SLC38A7: variants seen among roughly 807,000 people sequenced by gnomAD.
SLC38A7 encodes sodium-coupled neutral amino acid transporter 7.
Under a neutral mutation model 50.1 loss-of-function variants are expected in SLC38A7, and 29 were observed. The observed-to-expected ratio is 0.58, with a 90% CI of 0.43 to 0.79. The LOEUF (loss-of-function observed/expected upper bound fraction) is 0.79, where lower values mean the gene tolerates loss of function less well. Among genes scored for constraint, SLC38A7 ranks in the 30% least tolerant of loss-of-function variants. The pLI is 0.00. For missense variants in SLC38A7, 483 were observed against 610.6 expected, an observed-to-expected ratio of 0.79 and a Z score of 2.20; for synonymous variants, 244 against 245.9, an observed-to-expected ratio of 0.99 and a Z score of 0.07.
chr16:58,673,469 C>T (rs572958793), intron 8 of SLC38A7, among the ~76,000 whole-genome samples: 1 of 152,106 alleles, frequency 6.6e-6, no homozygotes, highest in Non-Finnish European at 1.5e-5. Context: ...CTCCTGACCT[C>T]GTCATCCGCC....
chr16:58,672,082 GGAAGGGGGCTCACCGCCCACA>G lies in SLC38A7; in HGVS notation c.1024_1031+13del. ...GGGGCTAGGAGGGGCCCTGGGGAGT[GGAAGGGGGCTCACCGCCCACA>G]GAAGTGCAGGATAGGGTAGGAGGTG... On this transcript the variant is annotated splice_donor_variant and splice_donor_5th_base_variant and coding_sequence_variant and intron_variant, in exon 9 of 12. Transcript: ENST00000219320. LOFTEE classifies it high-confidence loss of function. 6.4e-7 allele frequency: 1 copy of G among 1,550,980 alleles called. No individual in the cohort carries two copies. Among genetic ancestry groups the G allele is most frequent in the Non-Finnish European group, 8.7e-7 (1 of 1,147,118 alleles).
intron 8 of SLC38A7, chr16:58,675,433 C>T (rs1022463451): frequency 9.5e-5 from 35 of 368,330 alleles, no homozygotes; most frequent in Non-Finnish European, 1.5e-4. Context: ...GAGGATCACT[C>T]GACCTCAGCA....
chr16:58,683,040 T>C (rs1428158785), intron 2 of SLC38A7, among the ~76,000 whole-genome samples: 1 of 151,406 alleles, frequency 6.6e-6, no homozygotes, highest in African/African-American at 2.4e-5. Context: ...CCCACGCCTG[T>C]CATGTTTAAA....
In SLC38A7 at chr16:58,677,430, G is replaced by A. The variant is rs202173537; in HGVS notation, c.612-6C>T. ...TACCCACGACGCTCAGGAAGCTGCC[G>A]GGAAGGAGAGACTAAGTGTCCTCAT... On this transcript the variant is annotated splice_region_variant and splice_polypyrimidine_tract_variant and intron_variant, in intron 5 of 11. Transcript: ENST00000219320. 31 of 1,613,730 alleles carry A rather than the reference G, an allele frequency of 1.9e-5. No individual in the cohort carries two copies. Among genetic ancestry groups the A allele is most frequent in the African/African-American group, 9.3e-5 (7 of 74,996 alleles).
In SLC38A7 at chr16:58,678,191, G is replaced by A. The variant is rs780854578; in HGVS notation, c.611+142C>T. 2.2e-6 allele frequency: 2 copies of A among 927,250 alleles called. No individual in the cohort carries two copies. The highest frequency in any genetic ancestry group is 3.1e-6 in the Non-Finnish European group (2 of 650,970). The allele number at this position is 927,250 out of a possible 1,614,324, so 57.4% of individuals were successfully genotyped here. ...AAAGGATGGTCTTATCTGAAACCCT[G>A]CAAGCCCCGGTCTGCCCTGCCTTGC... On this transcript the variant is annotated intron_variant, in intron 5 of 11. Transcript: ENST00000219320. This position sits in a 1 kb window ranked among gnomAD's most constrained non-coding sequence, Gnocchi z 4.0.
chr16:58,674,124 G>C (rs8046464), intron 8 of SLC38A7, among the ~76,000 whole-genome samples: 19,217 of 151,978 alleles, frequency 0.13, 4,100 homozygotes, highest in African/African-American at 0.44. Flanking sequence ...CATGCCTGGC[G>C]GACGCCCAGC....
intron 11 of SLC38A7, among the ~76,000 whole-genome samples, chr16:58,668,968 C>CTT: frequency 1.3e-5 from 2 of 151,646 alleles, no homozygotes; most frequent in Non-Finnish European, 2.9e-5. Flanking sequence ...CGGGGTTTTG[C>CTT]CATGTTGGCC....
At chr16:58,675,740 AACTGGTGAATGAATGGATGAATAC>A (rs1234970349) in intron 8 of SLC38A7, among the ~76,000 whole-genome samples, 176 bp downstream of exon 8, 1 of 152,132 alleles carries the variant, frequency 6.6e-6, no homozygotes, top group Non-Finnish European at 1.5e-5. Flanking sequence ...ACCAAGTTAG[AACTGGTGAATGAATGGATGAATAC>A]ACCACTCTCA....
intron 10 of SLC38A7, 61 bp downstream of exon 10, chr16:58,670,984 C>T: frequency 6.5e-7 from 1 of 1,538,238 alleles, no homozygotes; most frequent in Non-Finnish European, 8.8e-7. Flanking sequence ...GGAGCTGAGG[C>T]TAGGCAGGCC....
chr16:58,670,598 T>G (rs1213213881), intron 10 of SLC38A7, among the ~76,000 whole-genome samples: 2 of 152,232 alleles, frequency 1.3e-5, no homozygotes, highest in Admixed American at 6.5e-5. Context: ...TGGCGGTAGA[T>G]CTGTGTCTGG....
Position 58,670,112 on chromosome 16 carries a change from C to T in SLC38A7, c.1286+1G>A, listed in dbSNP as rs750525493. ...GGATCAAGGGCTGGGTCCTGCTTTA[C>T]CTGGCTGGTTTGACCTCTTCCATCT... On this transcript the variant is annotated splice_donor_variant, in intron 11 of 11. Coordinates refer to ENST00000219320, the MANE Select transcript of SLC38A7 (RefSeq NM_018231.3). LOFTEE classifies it high-confidence loss of function. 6.2e-7 allele frequency: 1 copy of T among 1,614,116 alleles called. No homozygotes were observed. Among genetic ancestry groups the T allele is most frequent in the Non-Finnish European group, 8.5e-7 (1 of 1,179,972 alleles).
Position 58,678,495 on chromosome 16 carries a change from G to C in SLC38A7, c.470-21C>G. ...TATAACTGCACAGGGAGGAAGGAGG[G>C]AATGTCAAGCCAGGCCACCATGGGG... On this transcript the variant is annotated intron_variant, in intron 4 of 11. Transcript: ENST00000219320. The surrounding 1 kb of genome is among the most constrained non-coding windows in gnomAD (Gnocchi z 4.0). 1 of 1,544,652 alleles carries C rather than the reference G, an allele frequency of 6.5e-7. No homozygotes were observed. The highest frequency in any genetic ancestry group is 8.8e-7 in the Non-Finnish European group (1 of 1,142,822).
intron 2 of SLC38A7, among the ~76,000 whole-genome samples, chr16:58,682,401 A>G (rs912804852): frequency 6.6e-6 from 1 of 151,930 alleles, no homozygotes; most frequent in African/African-American, 2.4e-5. Flanking sequence ...CTCATTCCTG[A>G]GTCCCGATTT....
chr16:58,682,516 G>A (rs1478055714), intron 2 of SLC38A7, among the ~76,000 whole-genome samples: 2 of 151,826 alleles, frequency 1.3e-5, no homozygotes, highest in Non-Finnish European at 2.9e-5. Context: ...CTGGAGTGCA[G>A]TGGCGCAATC....
intron 2 of SLC38A7, among the ~76,000 whole-genome samples, chr16:58,682,629 T>C (rs2044414461): frequency 6.7e-6 from 1 of 150,056 alleles, no homozygotes; most frequent in South Asian, 2.1e-4. Flanking sequence ...CCAGCTAACT[T>C]TTAAAATTTT....
chr16:58,676,959 C>CA, intron 6 of SLC38A7, among the ~76,000 whole-genome samples: 1 of 146,700 alleles, frequency 6.8e-6, no homozygotes, highest in African/African-American at 2.7e-5. Flanking sequence ...TGGCCCCCCC[C>CA]CTTTTTTTTT....
In SLC38A7 at chr16:58,667,139, G is replaced by T. The variant is rs2044052390; in HGVS notation, c.*246C>A. On this transcript the variant is annotated 3_prime_UTR_variant, in exon 12 of 12. Coordinates refer to ENST00000219320, the MANE Select transcript of SLC38A7 (RefSeq NM_018231.3). ...AAGTTGAGAACTGGGAGAGGAGGAG[G>T]GGTCCTCTATGATGTGAGACTTCCT... 1 of 510,402 alleles carries T rather than the reference G, an allele frequency of 2.0e-6. No homozygotes were observed. The highest frequency in any genetic ancestry group is 3.5e-6 in the Non-Finnish European group (1 of 287,692). 31.6% of individuals were successfully genotyped at this position (510,402 alleles called of 1,614,324 possible).
chr16:58,677,832 C>T (rs568869560), intron 5 of SLC38A7, among the ~76,000 whole-genome samples: 44 of 152,264 alleles, frequency 2.9e-4, no homozygotes, highest in African/African-American at 1.1e-3. Context: ...AGTACAGACA[C>T]TTTTGTGTCA....
At chr16:58,676,551 C>G (rs1363237771) in intron 6 of SLC38A7, among the ~76,000 whole-genome samples, 3 of 152,216 alleles carry the variant, frequency 2.0e-5, no homozygotes, top group Non-Finnish European at 4.4e-5. Flanking sequence ...TCAGAAAAGC[C>G]CCCCTGGGGC....
Sources: allele counts gnomAD v4.1 joint callset (sites outside exome capture counted in the v4.1 genomes callset), GRCh38; gene constraint gnomAD v4.1.1; non-coding constraint Gnocchi (gnomAD v3.1); transcripts MANE v1.5; gene names NCBI Gene and HGNC (gene_info 2026-07-23, HGNC 2026-07-21).